The following TRPS1 variants were observed in gnomAD, a reference collection of about 807,000 sequenced individuals.
The protein encoded by TRPS1 is transcriptional repressor GATA binding 1, also known as zinc finger transcription factor Trps1.
TRPS1 carries 6 observed loss-of-function variants against 101.2 expected under a neutral mutation model. That is an observed-to-expected ratio of 0.06 (90% confidence interval 0.03 to 0.12). The LOEUF is 0.12. TRPS1 is among the 10% of genes least tolerant of loss of function. The probability of loss-of-function intolerance (pLI) is 1.00; values close to 1 mark genes in which losing one functional copy is unlikely to be tolerated. For missense variants in TRPS1, 1,363 were observed against 1,567.0 expected (o/e 0.87, Z 2.20); for synonymous variants, 578 against 589.8 (o/e 0.98, Z 0.29).
At chr8:115,564,978 TATA>T (rs1817033095) in intron 5 of TRPS1, among the ~76,000 whole-genome samples, 1 of 152,032 alleles carries the variant, frequency 6.6e-6, no homozygotes, top group African/African-American at 2.4e-5. Context: ...TACCCTACAC[TATA>T]TATATAGGGG....
intron 5 of TRPS1, among the ~76,000 whole-genome samples, chr8:115,493,158 C>T (rs1025084312): frequency 2.0e-5 from 3 of 152,168 alleles, no homozygotes; most frequent in African/African-American, 7.2e-5. Context: ...TAGCAAGAGT[C>T]TGCTAGTGAA....
intron 4 of TRPS1, among the ~76,000 whole-genome samples, chr8:115,602,447 A>T (rs1817929931): frequency 6.6e-6 from 1 of 152,214 alleles, no homozygotes; most frequent in African/African-American, 2.4e-5. Flanking sequence ...ACTCATTGCA[A>T]GTGTGAACAC....
intron 3 of TRPS1, among the ~76,000 whole-genome samples, chr8:115,609,389 A>G (rs997196207): frequency 6.6e-6 from 1 of 152,212 alleles, no homozygotes; most frequent in Non-Finnish European, 1.5e-5. Context: ...TGTTACTAAG[A>G]TAATACTTCT....
intron 5 of TRPS1, among the ~76,000 whole-genome samples, chr8:115,424,831 C>A (rs1813149869): frequency 6.6e-6 from 1 of 152,200 alleles, no homozygotes; most frequent in Non-Finnish European, 1.5e-5. Context: ...TTAATGTGTT[C>A]ATGACTGTCA....
chr8:115,528,770 T>C (rs1816060809), intron 5 of TRPS1, among the ~76,000 whole-genome samples: 2 of 152,040 alleles, frequency 1.3e-5, no homozygotes, highest in South Asian at 4.1e-4. Context: ...TAGAGGCATA[T>C]AAAGATATAT....
At chr8:115,491,229 T>C (rs1353871691) in intron 5 of TRPS1, among the ~76,000 whole-genome samples, 1 of 152,204 alleles carries the variant, frequency 6.6e-6, no homozygotes, top group East Asian at 1.9e-4. Context: ...TGTCTTTGTC[T>C]TTTCCTCTTT....
chr8:115,498,413 C>CTATA (rs1563554199), intron 5 of TRPS1, among the ~76,000 whole-genome samples: 66 of 63,418 alleles, frequency 1.0e-3, no homozygotes, highest in Non-Finnish European at 1.4e-3. Flanking sequence ...CTCTCTCTCT[C>CTATA]TCTATATATA....
In TRPS1 at chr8:115,619,285, A is replaced by G. The variant is rs771607374; in HGVS notation, c.813T>C (p.Ala271=). ...GGGCCAAGATTTTGCTGTCCAGCTC[A>G]GCATCTTGCCTGGTGCGGTTATGCA... ...LGLHNRTRQD[A]ELDSKILALH... is the part of the protein sequence containing the mutation. Residue 271 remains alanine (A), a synonymous_variant, in exon 3 of 7, where the codon GCT becomes GCC. Transcript: ENST00000395715. 5.0e-6 allele frequency: 8 copies of G among 1,613,956 alleles called. No homozygotes were observed. In the African/African-American group the frequency reaches 1.1e-4, roughly 22 times the overall value.
In TRPS1 at chr8:115,489,004, C is replaced by G. The variant is rs73369768; in HGVS notation, c.2701-70552G>C. Among the ~76,000 whole-genome samples the G allele has an allele frequency of 5.7e-3, 869 of 152,228 alleles. 6 individuals carry two copies. The highest frequency in any genetic ancestry group is 0.02 in the African/African-American group (828 of 41,536). On this transcript the variant is annotated intron_variant, in intron 5 of 6. Coordinates refer to ENST00000395715, the MANE Select transcript of TRPS1 (RefSeq NM_014112.5). ...ATTTTGTCTAATAAGTAGTATAGCT[C>G]TTATGACTTTTAAACTCCCACTCCA...
chr8:115,425,934 T>A (rs1813176357), intron 5 of TRPS1, among the ~76,000 whole-genome samples: 1 of 152,246 alleles, frequency 6.6e-6, no homozygotes, highest in Non-Finnish European at 1.5e-5. Context: ...ACGCTGTTTC[T>A]GTAATAATGT....
chr8:115,599,047 T>C (rs1293300624), intron 4 of TRPS1, among the ~76,000 whole-genome samples: 1 of 152,202 alleles, frequency 6.6e-6, no homozygotes, highest in African/African-American at 2.4e-5. Flanking sequence ...TCTCCTCAAA[T>C]ACTGATTACC....
At chr8:115,559,768 ACCCTTGAAAGTG>A (rs1164016987) in intron 5 of TRPS1, among the ~76,000 whole-genome samples, 3 of 152,144 alleles carry the variant, frequency 2.0e-5, no homozygotes, top group African/African-American at 4.8e-5. Context: ...GTAAAATCTT[ACCCTTGAAAGTG>A]CCCTTGAAAT....
At chr8:115,643,063 G>A (rs971321795) in intron 1 of TRPS1, among the ~76,000 whole-genome samples, 3 of 152,034 alleles carry the variant, frequency 2.0e-5, no homozygotes, top group African/African-American at 7.2e-5. Flanking sequence ...ATAGTATTAT[G>A]TTTAAAAAAT....
chr8:115,544,575 A>G (rs1359512168), intron 5 of TRPS1, among the ~76,000 whole-genome samples: 2 of 152,188 alleles, frequency 1.3e-5, no homozygotes, highest in African/African-American at 2.4e-5. Context: ...TAAAATTATT[A>G]GACATCCAGC....
intron 5 of TRPS1, among the ~76,000 whole-genome samples, chr8:115,467,692 G>A (rs907259772): frequency 4.6e-5 from 7 of 152,108 alleles, no homozygotes; most frequent in Non-Finnish European, 1.0e-4. Context: ...AGTCACTAAG[G>A]GGGATGAGAC....
intron 5 of TRPS1, among the ~76,000 whole-genome samples, chr8:115,574,539 C>CT (rs1316708679): frequency 2.6e-5 from 4 of 152,102 alleles, no homozygotes; most frequent in Non-Finnish European, 5.9e-5. Context: ...GTACTCTTTG[C>CT]TTTAACACCT....
chr8:115,545,214 A>G (rs1302736212), intron 5 of TRPS1, among the ~76,000 whole-genome samples: 1 of 152,200 alleles, frequency 6.6e-6, no homozygotes, highest in Non-Finnish European at 1.5e-5. Context: ...GGAAGAAAGA[A>G]TACACTGATG....
chr8:115,519,514 T>C (rs1456278442), intron 5 of TRPS1, among the ~76,000 whole-genome samples: 2 of 151,582 alleles, frequency 1.3e-5, no homozygotes, highest in African/African-American at 4.8e-5. Context: ...AGATGATCAT[T>C]GGATTAAAAA....
intron 1 of TRPS1, among the ~76,000 whole-genome samples, chr8:115,653,339 C>T (rs780826438): frequency 1.3e-5 from 2 of 151,772 alleles, no homozygotes; most frequent in African/African-American, 2.4e-5. Flanking sequence ...GAGATAGTAG[C>T]CACAGGACAA....
Sources: allele counts gnomAD v4.1 joint callset (sites outside exome capture counted in the v4.1 genomes callset), GRCh38; gene constraint gnomAD v4.1.1; transcripts MANE v1.5; gene names NCBI Gene and HGNC (gene_info 2026-07-23, HGNC 2026-07-21).